Variants in DSCAML1 observed in about 807,000 individuals in gnomAD.
DSCAML1 encodes the protein cell adhesion molecule DSCAML1.
Under a neutral mutation model 200.5 loss-of-function variants are expected in DSCAML1, and 38 were observed. The observed-to-expected ratio is 0.19, with a 90% CI of 0.15 to 0.25. The LOEUF is 0.25. Ranked by LOEUF, DSCAML1 falls within the 10% of genes least tolerant of loss-of-function variation. The pLI, the probability that DSCAML1 is intolerant of heterozygous loss-of-function variation, is 1.00. For missense variants in DSCAML1, 2,223 were observed against 2,858.8 expected (o/e 0.78, Z 5.07); for synonymous variants, 1,215 against 1,165.0 (o/e 1.04, Z -0.87).
At chr11:117,434,047 A>C (rs2047857374) in intron 27 of DSCAML1, among the ~76,000 whole-genome samples, 1 of 152,196 alleles carries the variant, frequency 6.6e-6, no homozygotes. Flanking sequence ...AATTTGGAAG[A>C]GAGGAGAATT....
intron 3 of DSCAML1, among the ~76,000 whole-genome samples, chr11:117,577,728 G>C (rs925615642): frequency 6.6e-6 from 1 of 151,258 alleles, no homozygotes; most frequent in Non-Finnish European, 1.5e-5. Flanking sequence ...CACCAAGCCC[G>C]GCTAATTTTT....
At chr11:117,690,115 T>C (rs975118442) in intron 3 of DSCAML1, among the ~76,000 whole-genome samples, 5 of 152,220 alleles carry the variant, frequency 3.3e-5, no homozygotes, top group Non-Finnish European at 7.3e-5. Flanking sequence ...AAGAACACAA[T>C]GAAGTAAAGC....
chr11:117,767,061 G>A (rs895501188), intron 3 of DSCAML1, among the ~76,000 whole-genome samples: 6 of 152,076 alleles, frequency 3.9e-5, no homozygotes, highest in Non-Finnish European at 8.8e-5. Flanking sequence ...TGTGTCTCCC[G>A]CAGATGTGTT....
intron 3 of DSCAML1, among the ~76,000 whole-genome samples, chr11:117,668,291 G>A (rs915758814): frequency 6.6e-6 from 1 of 152,200 alleles, no homozygotes; most frequent in Non-Finnish European, 1.5e-5. Flanking sequence ...GCCCTAGATA[G>A]TGATGTCATG....
chr11:117,475,218 T>C (rs2137192793), intron 14 of DSCAML1, among the ~76,000 whole-genome samples: 1 of 152,278 alleles, frequency 6.6e-6, no homozygotes, highest in East Asian at 1.9e-4. Context: ...GCGGCCATTG[T>C]CCACTCTACA....
chr11:117,717,719 C>T lies in DSCAML1; in HGVS notation c.511+59072G>A, dbSNP rs1188873832. ...CCACATTCACCCCATACTCACGCTC[C>T]CACAATGCCAAGCCCAGTGCCTGGC... is the stretch of plus-strand genomic sequence containing the variant. On this transcript the variant is annotated intron_variant, in intron 3 of 32. Coordinates refer to ENST00000651296, the MANE Select transcript of DSCAML1 (RefSeq NM_020693.4). 1.1e-4 allele frequency among the ~76,000 whole-genome samples: 16 copies of T among 152,168 alleles called. 1 individual carries two copies. The highest frequency in any genetic ancestry group is 1.0e-3 in the Admixed American group (16 of 15,288).
intron 3 of DSCAML1, among the ~76,000 whole-genome samples, chr11:117,739,507 T>C (rs1462718632): frequency 6.6e-6 from 1 of 152,240 alleles, no homozygotes; most frequent in Non-Finnish European, 1.5e-5. Context: ...CCACAAAGCC[T>C]ACATATCAAC....
intron 5 of DSCAML1, among the ~76,000 whole-genome samples, chr11:117,523,929 C>A (rs2049927051): frequency 6.6e-6 from 1 of 152,206 alleles, no homozygotes; most frequent in Admixed American, 6.5e-5. Flanking sequence ...CCCACTGCAG[C>A]CTAGAGAGCA....
intron 3 of DSCAML1, among the ~76,000 whole-genome samples, chr11:117,684,620 G>T (rs1290480057): frequency 6.6e-6 from 1 of 152,116 alleles, no homozygotes; most frequent in African/African-American, 2.4e-5. Flanking sequence ...GATATGGATG[G>T]AGGTGGCCCC....
chr11:117,599,862 C>A (rs535700437), intron 3 of DSCAML1, among the ~76,000 whole-genome samples: 1 of 152,338 alleles, frequency 6.6e-6, no homozygotes, highest in East Asian at 1.9e-4. Flanking sequence ...ATCCGGGACT[C>A]ATCTGGCTGC....
Position 117,609,215 on chromosome 11 carries a change from A to AG in DSCAML1, c.512-76694_512-76693insC, listed in dbSNP as rs1416581791. Among the ~76,000 whole-genome samples, 6 of 152,112 alleles carry AG rather than the reference A, an allele frequency of 3.9e-5. No individual in the cohort carries two copies. The East Asian group carries it at 1.2e-3, about 29-fold the overall frequency. On this transcript the variant is annotated intron_variant, in intron 3 of 32. Coordinates refer to ENST00000651296, the MANE Select transcript of DSCAML1 (RefSeq NM_020693.4). ...CCCTATCTCAATTTAAAAAAAAAAAAAAGTGCCAAATTGAAAGAGCAAAAA... is the reference window on the plus strand; with the variant it reads ...CCCTATCTCAATTTAAAAAAAAAAAAGAAGTGCCAAATTGAAAGAGCAAAAA...
At chr11:117,632,719 G>A (rs532122975) in intron 3 of DSCAML1, among the ~76,000 whole-genome samples, 1 of 152,308 alleles carries the variant, frequency 6.6e-6, no homozygotes, top group South Asian at 2.1e-4. Context: ...AAAAAGTTCA[G>A]GTTTGCGTGG....
At chr11:117,647,270 A>C (rs2052538031) in intron 3 of DSCAML1, among the ~76,000 whole-genome samples, 1 of 152,220 alleles carries the variant, frequency 6.6e-6, no homozygotes, top group Non-Finnish European at 1.5e-5. Flanking sequence ...TCCCCCAGGA[A>C]AGGCTGGGCA....
chr11:117,765,552 C>T (rs780576203), intron 3 of DSCAML1, among the ~76,000 whole-genome samples: 3 of 152,188 alleles, frequency 2.0e-5, no homozygotes, highest in Non-Finnish European at 4.4e-5. Flanking sequence ...CTCACAGAGA[C>T]CTCCCAGGCC....
chr11:117,436,049 TAA>T (rs2047908752), intron 26 of DSCAML1, among the ~76,000 whole-genome samples: 1 of 152,226 alleles, frequency 6.6e-6, no homozygotes, highest in African/African-American at 2.4e-5. Context: ...AGAATTAGCC[TAA>T]AGTCTCCTGG....
Position 117,432,471 on chromosome 11 carries a change from G to GC in DSCAML1, c.5059dup (p.Ala1687GlyfsTer2). On this transcript the variant is annotated frameshift_variant, in exon 30 of 33. Coordinates refer to ENST00000651296, the MANE Select transcript of DSCAML1 (RefSeq NM_020693.4). LOFTEE classifies it high-confidence loss of function. ...TGGGTTGACAGCTTGGCTGAACTCA[G>GC]CATCTGTCACAGGGATGGTGGCCTT... 6.2e-7 allele frequency: 1 copy of GC among 1,614,232 alleles called. No individual in the cohort carries two copies. The highest frequency in any genetic ancestry group is 1.3e-5 in the African/African-American group (1 of 75,050).
At chr11:117,537,753 A>G (rs2050195700) in intron 3 of DSCAML1, among the ~76,000 whole-genome samples, 1 of 152,224 alleles carries the variant, frequency 6.6e-6, no homozygotes, top group Admixed American at 6.5e-5. Flanking sequence ...CAGAGGCGGA[A>G]GCAGAGGCAG....
In DSCAML1 at chr11:117,471,877, T is replaced by G; in HGVS notation, c.2945A>C (p.Glu982Ala). 6.4e-7 allele frequency: 1 copy of G among 1,563,506 alleles called. No homozygotes were observed. Among genetic ancestry groups the G allele is most frequent in the Non-Finnish European group, 8.7e-7 (1 of 1,155,154 alleles). Residue 982 changes from glutamate to alanine, a missense_variant, in exon 15 of 33, where the codon GAG becomes GCG. Transcript: ENST00000651296. Reference protein sequence around the residue: ...EPSKELTISTEEAAPDGPPMD... With the variant: ...EPSKELTISTAEAAPDGPPMD... The stretch of plus-strand genomic sequence containing the variant: ...CTGGGTGAGGTGCTCACCGGCCTCC[T>G]CAGTGCTGATGGTGAGCTCCTTGCT...
chr11:117,480,529 G>A lies in DSCAML1; in HGVS notation c.2699C>T (p.Ala900Val), dbSNP rs1203031034. Residue 900 changes from alanine (A) to valine (V), a missense_variant, in exon 14 of 33, where the codon GCC becomes GTC. Physicochemically the swap from Ala to Val is moderately conservative, Grantham distance 64. Around this residue, in one of 7 missense-constraint regions of DSCAML1, gnomAD observed 438 missense variants for 629.7 expected, o/e 0.70. Coordinates refer to ENST00000651296, the MANE Select transcript of DSCAML1 (RefSeq NM_020693.4). The surrounding 1 kb of genome is among the most constrained non-coding windows in gnomAD (Gnocchi z 4.1). The part of the protein sequence containing the change: ...PPELEIREVK[A>V]RSMNLRWTQR... ...GGTCCAGCGCAGGTTCATGCTCCGG[G>A]CCTTCACCTCCCGGATCTCCAGCTC... is the stretch of plus-strand genomic sequence containing the variant. 5 of 1,590,216 alleles carry A rather than the reference G, an allele frequency of 3.1e-6. No individual in the cohort carries two copies. Among genetic ancestry groups the A allele is most frequent in the African/African-American group, 2.7e-5 (2 of 74,556 alleles).
Sources: allele counts gnomAD v4.1 joint callset (sites outside exome capture counted in the v4.1 genomes callset), GRCh38; gene constraint gnomAD v4.1.1; regional missense constraint gnomAD v4.1.1; non-coding constraint Gnocchi (gnomAD v3.1); transcripts MANE v1.5; gene names NCBI Gene and HGNC (gene_info 2026-07-23, HGNC 2026-07-21).